The following ABLIM1 variants were observed in gnomAD, a reference collection of about 807,000 sequenced individuals.
ABLIM1 encodes the protein actin binding LIM protein 1, also known as actin-binding LIM protein 1.
A neutral mutation model predicts 107.0 loss-of-function variants in ABLIM1; 40 were observed. The ratio of observed to expected loss-of-function variants is 0.37; its 90% confidence interval spans 0.29 to 0.49. The LOEUF is 0.49. Among genes scored for constraint, ABLIM1 ranks in the 20% least tolerant of loss-of-function variants. The pLI is 0.97. For synonymous variants in ABLIM1, 357 were observed against 357.3 expected (o/e 1.00, Z 0.01); for missense variants, 857 against 1,008.5 (o/e 0.85, Z 2.04).
intron 2 of ABLIM1, among the ~76,000 whole-genome samples, chr10:114,595,792 C>T (rs1281975000): frequency 6.6e-6 from 1 of 152,166 alleles, no homozygotes; most frequent in Non-Finnish European, 1.5e-5. Flanking sequence ...CAGATGCTGC[C>T]ATCTTCCAGT....
intron 2 of ABLIM1, among the ~76,000 whole-genome samples, chr10:114,581,979 A>G (rs1435935357): frequency 6.6e-6 from 1 of 152,036 alleles, no homozygotes; most frequent in Non-Finnish European, 1.5e-5. Flanking sequence ...AAGGATGCCA[A>G]CTCTCACCAC....
At chr10:114,800,601 G>T in the ABLIM1 span, among the ~76,000 whole-genome samples, 1 of 152,154 alleles carries the variant, frequency 6.6e-6, no homozygotes, top group African/African-American at 2.4e-5. Context: ...CAACATGGGG[G>T]TTAAGGGACA....
chr10:114,789,178 CTGGGAGA>C, the ABLIM1 span, among the ~76,000 whole-genome samples: 7 of 152,026 alleles, frequency 4.6e-5, no homozygotes, highest in African/African-American at 1.7e-4. Context: ...TCGCTTGAAC[CTGGGAGA>C]TGGAGGTTGC....
At chr10:114,606,730 C>T (rs2076441690) in intron 1 of ABLIM1, among the ~76,000 whole-genome samples, 1 of 152,200 alleles carries the variant, frequency 6.6e-6, no homozygotes, top group Admixed American at 6.5e-5. Context: ...TTCACTCTCA[C>T]AGGAGTTCTC....
intron 6 of ABLIM1, among the ~76,000 whole-genome samples, chr10:114,507,691 T>A (rs567200408): frequency 6.6e-6 from 1 of 152,292 alleles, no homozygotes; most frequent in African/African-American, 2.4e-5. Flanking sequence ...TTAGAGGAGA[T>A]CTAGGGACCG....
chr10:114,628,396 C>T (rs1039288686), intron 1 of ABLIM1, among the ~76,000 whole-genome samples: 5 of 152,202 alleles, frequency 3.3e-5, no homozygotes, highest in South Asian at 2.1e-4. Flanking sequence ...GACAGAATCA[C>T]GAAGAATTAT....
At chr10:114,579,731 C>T (rs1339978346) in intron 2 of ABLIM1, among the ~76,000 whole-genome samples, 1 of 152,194 alleles carries the variant, frequency 6.6e-6, no homozygotes, top group Non-Finnish European at 1.5e-5. Context: ...AAACTCTGCA[C>T]CCATTAAAAT....
intron 2 of ABLIM1, 141 bp downstream of exon 2, chr10:114,601,686 C>A: frequency 7.3e-7 from 1 of 1,364,676 alleles, no homozygotes; most frequent in Non-Finnish European, 1.0e-6. Context: ...GAATCCCAAA[C>A]TGGCAGTAAA....
At chr10:114,705,340 T>C (rs906697531) in intron 1 of ABLIM1, among the ~76,000 whole-genome samples, 1 of 152,170 alleles carries the variant, frequency 6.6e-6, no homozygotes, top group Admixed American at 6.5e-5. Flanking sequence ...AAACCCATAA[T>C]AGTTGCTGGG....
chr10:114,480,824 T>G (rs887439283), intron 8 of ABLIM1, among the ~76,000 whole-genome samples: 3 of 152,164 alleles, frequency 2.0e-5, no homozygotes, highest in African/African-American at 7.2e-5. Context: ...ACGTTTGATT[T>G]CAACAACGAT....
intron 1 of ABLIM1, among the ~76,000 whole-genome samples, chr10:114,683,950 C>CG (rs2080858189): frequency 6.6e-6 from 1 of 152,172 alleles, no homozygotes; most frequent in South Asian, 2.1e-4. Flanking sequence ...GAAATAGGAT[C>CG]ACAGGTGTTT....
chr10:114,638,881 G>A (rs1335302304), intron 1 of ABLIM1, among the ~76,000 whole-genome samples: 1 of 152,290 alleles, frequency 6.6e-6, no homozygotes, highest in Middle Eastern at 3.4e-3. Flanking sequence ...ACCGTTGGCT[G>A]CACAGGGGAA....
In ABLIM1 at chr10:114,692,756, G is replaced by A. The variant is rs576774265; in HGVS notation, c.-213+75305C>T. On this transcript the variant is annotated intron_variant, in intron 1 of 15. Transcript: ENST00000651092. ...AATAAAAAAATTAGCCGGGCGTGGT[G>A]GCGGGTACCTGTAGTCCCAGCTATT... 2.0e-5 allele frequency among the ~76,000 whole-genome samples: 3 copies of A among 152,232 alleles called. No homozygotes were observed. The South Asian group carries it at 6.2e-4, about 32-fold the overall frequency.
At chr10:114,442,468 C>T (rs1471763612) in intron 17 of ABLIM1, among the ~76,000 whole-genome samples, 7 of 152,214 alleles carry the variant, frequency 4.6e-5, no homozygotes, top group African/African-American at 1.7e-4. Flanking sequence ...CTGAAGTCCT[C>T]ATTTCTTCAT....
chr10:114,501,800 G>A (rs919792691), intron 6 of ABLIM1, among the ~76,000 whole-genome samples: 4 of 152,170 alleles, frequency 2.6e-5, no homozygotes, highest in Non-Finnish European at 5.9e-5. Context: ...CAACAGAGTG[G>A]TGCATTTGCC....
At chr10:114,468,904 T>C (rs1287385280) in intron 10 of ABLIM1, among the ~76,000 whole-genome samples, 1 of 151,498 alleles carries the variant, frequency 6.6e-6, no homozygotes, top group Non-Finnish European at 1.5e-5. Flanking sequence ...TACAAAAAAT[T>C]AGCCAGGCGC....
chr10:114,730,737 G>T (rs2082055650), intron 1 of ABLIM1, among the ~76,000 whole-genome samples: 1 of 152,040 alleles, frequency 6.6e-6, no homozygotes, highest in Non-Finnish European at 1.5e-5. Context: ...TCAAGCAGTT[G>T]TGCAACCATC....
At chr10:114,766,553 C>T (rs375918366) in intron 1 of ABLIM1, among the ~76,000 whole-genome samples, 1 of 152,114 alleles carries the variant, frequency 6.6e-6, no homozygotes, top group Admixed American at 6.5e-5. Flanking sequence ...AATTGTGTGA[C>T]GGCCTAACAA....
At chr10:114,732,713 A>T (rs2142177314) in intron 1 of ABLIM1, among the ~76,000 whole-genome samples, 1 of 152,252 alleles carries the variant, frequency 6.6e-6, no homozygotes, top group South Asian at 2.1e-4. Flanking sequence ...TCTTTTATAC[A>T]TCATTATAAA....
Sources: gnomAD v4.1 joint callset for allele counts (sites outside exome capture counted in the v4.1 genomes callset) on GRCh38, gnomAD v4.1.1 for gene constraint, MANE v1.5 for transcripts, NCBI Gene and HGNC (gene_info 2026-07-23, HGNC 2026-07-21) for gene names.